FAM98A: variants seen among roughly 807,000 people sequenced by gnomAD.
The protein encoded by FAM98A is protein FAM98A.
A neutral mutation model predicts 62.9 loss-of-function variants in FAM98A; 25 were observed. The ratio of observed to expected loss-of-function variants is 0.40; its 90% CI spans 0.29 to 0.56. The LOEUF (loss-of-function observed/expected upper bound fraction) is 0.56. FAM98A is among the 20% of genes least tolerant of loss of function. FAM98A has a pLI of 0.51. For synonymous variants in FAM98A, 252 were observed against 228.6 expected (o/e 1.10, Z -0.92); for missense variants, 653 against 640.7 (o/e 1.02, Z -0.21).
chr2:33,583,772 T>G lies in FAM98A; in HGVS notation c.*1004A>C, dbSNP rs968994906. 6.5e-6 allele frequency: 1 copy of G among 152,690 alleles called. No individual in the cohort carries two copies. The highest frequency in any genetic ancestry group is 2.4e-5 in the African/African-American group (1 of 41,454). The allele number at this position is 152,690 out of a possible 1,614,324, so 9.5% of individuals were successfully genotyped here. ...TACAAAAACCCAGCAAGAAGCATCA[T>G]GTCATGTAGATTTCAGTAAGGGAGA... is the stretch of plus-strand genomic sequence containing the variant. On this transcript the variant is annotated 3_prime_UTR_variant, in exon 8 of 8. Transcript: ENST00000238823.
Position 33,585,499 on chromosome 2 carries a change from A to T in FAM98A, c.888+31T>A, listed in dbSNP as rs1677526621. ...TTATTTTATGAACAGAAATAAATGC[A>T]TTTGGAAAAAATTAAAGGTACTCTA... On this transcript the variant is annotated intron_variant, in intron 7 of 7. Transcript: ENST00000238823. 4 of 1,613,620 alleles carry T rather than the reference A, an allele frequency of 2.5e-6. No individual in the cohort carries two copies. In the African/African-American group the frequency reaches 5.3e-5, roughly 22 times the overall value.
chr2:33,587,535 G>A (rs191682500), intron 4 of FAM98A: 4 of 525,344 alleles, frequency 7.6e-6, no homozygotes, highest in East Asian at 6.6e-5. Flanking sequence ...ACCTAGAACA[G>A]TGCCTGACAA....
intron 2 of FAM98A, among the ~76,000 whole-genome samples, chr2:33,594,323 AC>A (rs778203573): frequency 8.6e-4 from 131 of 152,000 alleles, no homozygotes; most frequent in Non-Finnish European, 1.6e-3. Context: ...CAGAAAAAAA[AC>A]ACCACATGTT....
intron 6 of FAM98A, 107 bp from the exon 7 acceptor site, chr2:33,585,804 C>G: frequency 1.0e-6 from 1 of 988,168 alleles, no homozygotes; most frequent in Non-Finnish European, 1.5e-6. Context: ...ATGATATTTA[C>G]TAGGCTCTAG....
At chr2:33,599,089 G>A in intron 1 of FAM98A, 80 bp downstream of exon 1, 1 of 1,189,336 alleles carries the variant, frequency 8.4e-7, no homozygotes, top group Non-Finnish European at 1.3e-6. Flanking sequence ...AGAGGCAGGT[G>A]TCTCAGACTG....
chr2:33,592,752 C>T (rs2151145844), intron 2 of FAM98A, among the ~76,000 whole-genome samples: 1 of 152,256 alleles, frequency 6.6e-6, no homozygotes, highest in African/African-American at 2.4e-5. Flanking sequence ...CTCCCTCATC[C>T]AATCTGATTT....
intron 1 of FAM98A, among the ~76,000 whole-genome samples, chr2:33,596,272 A>G (rs1677809276): frequency 6.6e-6 from 1 of 152,214 alleles, no homozygotes; most frequent in Non-Finnish European, 1.5e-5. Context: ...TCATTTTTAT[A>G]AATTTAATGC....
intron 4 of FAM98A, chr2:33,587,576 G>A (rs1486336822): frequency 2.3e-6 from 1 of 442,360 alleles, no homozygotes; most frequent in African/African-American, 2.0e-5. Flanking sequence ...TTTGCTGAAT[G>A]GATGAATGAA....
chr2:33,592,328 C>T (rs965807511), intron 2 of FAM98A, 114 bp from the exon 3 acceptor site: 2 of 879,130 alleles, frequency 2.3e-6, no homozygotes, highest in African/African-American at 1.7e-5. Context: ...TGAGTTTTTT[C>T]CCCTTCTAAT....
chr2:33,584,764 G>A lies in FAM98A; in HGVS notation c.*12C>T, dbSNP rs1434243009. ...TTACTTGAGCTCTAGCAAAATGTAAGGTTCGGTAGCCTCAACTAGTGTAAT... is the reference window on the plus strand; with the variant it reads ...TTACTTGAGCTCTAGCAAAATGTAAAGTTCGGTAGCCTCAACTAGTGTAAT... On this transcript the variant is annotated 3_prime_UTR_variant, in exon 8 of 8. Transcript: ENST00000238823. 8.3e-6 allele frequency: 13 copies of A among 1,563,794 alleles called. No homozygotes were observed. The highest frequency in any genetic ancestry group is 1.4e-5 in the African/African-American group (1 of 73,388).
At chr2:33,592,700 G>A (rs188909772) in intron 2 of FAM98A, among the ~76,000 whole-genome samples, 1 of 152,138 alleles carries the variant, frequency 6.6e-6, no homozygotes, top group Non-Finnish European at 1.5e-5. Flanking sequence ...GTGTTCATTA[G>A]GTCATTCTCT....
intron 3 of FAM98A, among the ~76,000 whole-genome samples, chr2:33,591,524 T>A (rs79120663): frequency 3.2e-4 from 49 of 152,298 alleles, no homozygotes; most frequent in African/African-American, 1.2e-3. Flanking sequence ...AAAACTCATT[T>A]CTCAGAATAA....
chr2:33,584,973 G>A lies in FAM98A; in HGVS notation c.1360C>T (p.His454Tyr). ...QDNRYQDGGHHGDRGGGRGGR... is the reference protein window; with the variant it reads ...QDNRYQDGGHYGDRGGGRGGR... ...CCACGACCACCACCACGATCACCAT[G>A]GTGCCCGCCATCTTGGTATCTATTG... Residue 454 changes from histidine to tyrosine, a missense_variant, in exon 8 of 8, where the codon CAT becomes TAT. His to Tyr is a moderately conservative substitution (Grantham distance 83). Coordinates refer to ENST00000238823, the MANE Select transcript of FAM98A (RefSeq NM_015475.5). 1 of 1,613,780 alleles carries A rather than the reference G, an allele frequency of 6.2e-7. No homozygotes were observed. The highest frequency in any genetic ancestry group is 8.5e-7 in the Non-Finnish European group (1 of 1,179,948).
Position 33,595,611 on chromosome 2 carries a change from C to G in FAM98A, c.80G>C (p.Gly27Ala), listed in dbSNP as rs149462437. 37 of 1,587,892 alleles carry G rather than the reference C, an allele frequency of 2.3e-5. No homozygotes were observed. Among genetic ancestry groups the G allele is most frequent in the Non-Finnish European group, 2.7e-5 (32 of 1,171,964 alleles). ...AGCAGAGACTGCCTGAGAGAGCGCT[C>G]CATCTTCCAACAATGGGCCCTTGTA... ...LGYKGPLLED[G>A]ALSQAVSAGA... Residue 27 changes from glycine to alanine, a missense_variant, in exon 2 of 8, where the codon GGA becomes GCA. By Grantham distance (60) the Gly-to-Ala change is moderately conservative. Transcript: ENST00000238823.
intron 1 of FAM98A, among the ~76,000 whole-genome samples, chr2:33,598,129 C>T (rs553525835): frequency 6.6e-6 from 1 of 152,310 alleles, no homozygotes; most frequent in Admixed American, 6.5e-5. Context: ...CTAAAAATTT[C>T]TACTAGGGTA....
Position 33,587,804 on chromosome 2 carries a change from T to C in FAM98A, c.523-484A>G, listed in dbSNP as rs79041925. ...TGTTCCTAATTAATTATATAGAAAA[T>C]CTTAACTGATAATGTGTGGTATAAA... On this transcript the variant is annotated intron_variant, in intron 4 of 7. Transcript: ENST00000238823. Among the ~76,000 whole-genome samples the C allele has an allele frequency of 9.3e-3, 1,410 of 151,686 alleles. 22 individuals carry two copies. The highest frequency in any genetic ancestry group is 0.032 in the African/African-American group (1,338 of 41,302).
At chr2:33,593,066 G>A (rs1449152094) in intron 2 of FAM98A, among the ~76,000 whole-genome samples, 1 of 152,122 alleles carries the variant, frequency 6.6e-6, no homozygotes, top group African/African-American at 2.4e-5. Flanking sequence ...CCTCGTACTT[G>A]CTGATTTCCT....
At chr2:33,598,986 G>A (rs1360646124) in intron 1 of FAM98A, among the ~76,000 whole-genome samples, 183 bp downstream of exon 1, 1 of 152,126 alleles carries the variant, frequency 6.6e-6, no homozygotes, top group Non-Finnish European at 1.5e-5. Context: ...GGGATTGGAG[G>A]ACCCCGAGCT....
At chr2:33,599,119 A>G (rs1677894069) in intron 1 of FAM98A, 50 bp downstream of exon 1, 2 of 1,501,280 alleles carry the variant, frequency 1.3e-6, no homozygotes, top group South Asian at 2.2e-5. Context: ...AGGTGTTCCC[A>G]GGGGGCCGGC....
Sources: allele counts gnomAD v4.1 joint callset (sites outside exome capture counted in the v4.1 genomes callset), GRCh38; gene constraint gnomAD v4.1.1; transcripts MANE v1.5; gene names NCBI Gene and HGNC (gene_info 2026-07-23, HGNC 2026-07-21).